DOCK5: variants seen among roughly 807,000 people sequenced by gnomAD.
The protein encoded by DOCK5 is dedicator of cytokinesis 5.
In DOCK5, 142 loss-of-function variants were observed where a neutral mutation model predicts 251.8. The ratio of observed to expected loss-of-function variants is 0.56; its 90% CI spans 0.49 to 0.65. The LOEUF is 0.65. Ranked by LOEUF, DOCK5 falls within the 30% of genes least tolerant of loss-of-function variation. The probability of loss-of-function intolerance (pLI) is 0.00; values close to 1 mark genes in which losing one functional copy is unlikely to be tolerated. For synonymous variants in DOCK5, 842 were observed against 835.5 expected (o/e 1.01, Z -0.13); for missense variants, 2,111 against 2,312.3 (o/e 0.91, Z 1.79).
intron 1 of DOCK5, among the ~76,000 whole-genome samples, chr8:25,222,146 C>G (rs1802407675): frequency 6.6e-6 from 1 of 152,216 alleles, no homozygotes; most frequent in South Asian, 2.1e-4. Context: ...CTGGTCCACT[C>G]TGCACTGTTA....
chr8:25,315,950 A>C (rs1586322499), intron 13 of DOCK5, among the ~76,000 whole-genome samples: 2 of 152,318 alleles, frequency 1.3e-5, no homozygotes, highest in East Asian at 3.9e-4. Context: ...TGGCAGTTTA[A>C]TATAGTGCAG....
rs1232064648 is a variant in DOCK5, at chr8:25,413,325, G to A, written c.*2027G>A. ...TGGAATGTGAGTGCAAGTTAGTTCT[G>A]CACATACAGCCCTTCTCCAAATGGT... On this transcript the variant is annotated 3_prime_UTR_variant, in exon 52 of 52. Coordinates refer to ENST00000276440, the MANE Select transcript of DOCK5 (RefSeq NM_024940.8). 1 of 152,122 alleles carries A rather than the reference G, an allele frequency of 6.6e-6. No homozygotes were observed. The highest frequency in any genetic ancestry group is 2.4e-5 in the African/African-American group (1 of 41,414). 9.4% of individuals were successfully genotyped at this position (152,122 alleles called of 1,614,324 possible).
intron 1 of DOCK5, among the ~76,000 whole-genome samples, chr8:25,205,215 A>C (rs751266953): frequency 6.6e-6 from 1 of 151,428 alleles, no homozygotes; most frequent in African/African-American, 2.4e-5. Flanking sequence ...TTATGTGGAG[A>C]GCGCTCTCCC....
chr8:25,376,135 A>G (rs1293040644), intron 37 of DOCK5: 4 of 982,524 alleles, frequency 4.1e-6, no homozygotes, highest in African/African-American at 3.5e-5. Flanking sequence ...CCTACTGTAT[A>G]TAGCTTAGAA....
Position 25,198,199 on chromosome 8 carries a change from T to A in DOCK5, c.43+13248T>A, listed in dbSNP as rs369244731. ...TGTATACCTGCAACAAGTTGCATCG[T>A]ATTTGATTTGTACTTTCTGTGAGCC... On this transcript the variant is annotated intron_variant, in intron 1 of 51. Coordinates refer to ENST00000276440, the MANE Select transcript of DOCK5 (RefSeq NM_024940.8). Among the ~76,000 whole-genome samples the A allele has an allele frequency of 2.0e-4, 30 of 152,344 alleles. No homozygotes were observed. In the South Asian group the frequency reaches 5.8e-3, roughly 29 times the overall value.
intron 45 of DOCK5, among the ~76,000 whole-genome samples, chr8:25,399,128 A>G (rs1217713515): frequency 1.3e-5 from 2 of 152,166 alleles, no homozygotes; most frequent in Non-Finnish European, 2.9e-5. Context: ...TGTCACTCCA[A>G]TTTTGGAGTC....
chr8:25,264,537 C>T (rs564630992), intron 2 of DOCK5, among the ~76,000 whole-genome samples: 1 of 151,736 alleles, frequency 6.6e-6, no homozygotes, highest in South Asian at 2.1e-4. Context: ...TTTTAAAAGC[C>T]TAAGGCAGCC....
In DOCK5 at chr8:25,411,284, C is replaced by T; in HGVS notation, c.5599C>T (p.Pro1867Ser). ...ARKSGIPTSE[P>S]GSQ ...GAAGTCTGGCATCCCTACTTCCGAG[C>T]CTGGATCCCAGTAAGGATCTTGCCC... The change falls in exon 52 of 52, where the codon CCT (proline) becomes TCT (serine). Residue 1867 changes from proline to serine, a missense_variant. Coordinates refer to ENST00000276440, the MANE Select transcript of DOCK5 (RefSeq NM_024940.8). 1 of 1,558,048 alleles carries T rather than the reference C, an allele frequency of 6.4e-7. No homozygotes were observed.
chr8:25,381,262 CT>C (rs1383563819), intron 39 of DOCK5, among the ~76,000 whole-genome samples: 4 of 152,220 alleles, frequency 2.6e-5, no homozygotes, highest in African/African-American at 9.6e-5. Flanking sequence ...GTCAAGATCA[CT>C]TTGTAAAAAG....
intron 27 of DOCK5, 136 bp downstream of exon 27, chr8:25,351,962 C>CCTG: frequency 1.6e-6 from 1 of 638,764 alleles, no homozygotes; most frequent in South Asian, 1.9e-5. Context: ...TGGTTATAAC[C>CCTG]TTAGCAGATC....
chr8:25,330,137 G>A (rs1805649953), intron 18 of DOCK5, among the ~76,000 whole-genome samples: 1 of 152,194 alleles, frequency 6.6e-6, no homozygotes, highest in Non-Finnish European at 1.5e-5. Context: ...GTGATGGAAT[G>A]AGTGATACCT....
chr8:25,409,849 A>T (rs1801588382), intron 50 of DOCK5: 1 of 329,678 alleles, frequency 3.0e-6, no homozygotes, highest in Non-Finnish European at 5.6e-6. Context: ...CCATCTCAAA[A>T]AAACAAAAAT....
intron 1 of DOCK5, among the ~76,000 whole-genome samples, chr8:25,201,810 G>T (rs938231861): frequency 5.3e-5 from 8 of 152,164 alleles, no homozygotes; most frequent in Non-Finnish European, 1.2e-4. Context: ...TTGCTCAGTC[G>T]CAGCCTCCCT....
Position 25,332,233 on chromosome 8 carries a change from T to G in DOCK5, c.1904-18T>G. 6.3e-7 allele frequency: 1 copy of G among 1,598,744 alleles called. No homozygotes were observed. Among genetic ancestry groups the G allele is most frequent in the Non-Finnish European group, 8.6e-7 (1 of 1,166,364 alleles). On this transcript the variant is annotated intron_variant, in intron 18 of 51. Coordinates refer to ENST00000276440, the MANE Select transcript of DOCK5 (RefSeq NM_024940.8). Reference sequence around the variant, plus strand: ...GTTGTTCTCACCTGTATCTAATGTTTGTGGTTGTTCTTCCTAGTTGACCTG... The same window carrying G: ...GTTGTTCTCACCTGTATCTAATGTTGGTGGTTGTTCTTCCTAGTTGACCTG...
At chr8:25,289,251 T>C (rs1454798992) in intron 5 of DOCK5, among the ~76,000 whole-genome samples, 1 of 152,116 alleles carries the variant, frequency 6.6e-6, no homozygotes, top group African/African-American at 2.4e-5. Context: ...CACTAGAGAA[T>C]ATTGTGTGCT....
chr8:25,275,463 T>G, intron 4 of DOCK5, 22 bp downstream of exon 4: 1 of 1,593,546 alleles, frequency 6.3e-7, no homozygotes. Context: ...GCTAGGAAGA[T>G]TCCCCAAAAA....
chr8:25,279,557 CTT>C (rs1804134862), intron 5 of DOCK5, among the ~76,000 whole-genome samples: 3 of 152,022 alleles, frequency 2.0e-5, no homozygotes, highest in South Asian at 4.2e-4. Flanking sequence ...AGCTCCGCCT[CTT>C]GGGTTCATGC....
Position 25,317,021 on chromosome 8 carries a change from G to C in DOCK5, c.1333G>C (p.Asp445His), listed in dbSNP as rs1805268409. The change falls in exon 14 of 52, where the codon GAC (aspartate) becomes CAC (histidine). Residue 445 changes from aspartate to histidine, a missense_variant. By Grantham distance (81) the Asp-to-His change is moderately conservative (BLOSUM62 -1). Transcript: ENST00000276440. ...TCATGTTGCAGGAGATGTTCGGAATGACATTTATGTCACCCTGATCCACGG... is the reference window on the plus strand; with the variant it reads ...TCATGTTGCAGGAGATGTTCGGAATCACATTTATGTCACCCTGATCCACGG... ...EIILPGDVRN[D>H]IYVTLIHGEF... 1 of 1,613,756 alleles carries C rather than the reference G, an allele frequency of 6.2e-7. No individual in the cohort carries two copies. The highest frequency in any genetic ancestry group is 1.3e-5 in the African/African-American group (1 of 74,900).
intron 18 of DOCK5, among the ~76,000 whole-genome samples, chr8:25,325,856 A>G (rs1016740237): frequency 1.3e-5 from 2 of 152,246 alleles, no homozygotes; most frequent in Non-Finnish European, 2.9e-5. Context: ...GTTCCCTGAT[A>G]GTGCATTCTG....
Sources: gnomAD v4.1 joint callset for allele counts (sites outside exome capture counted in the v4.1 genomes callset) on GRCh38, gnomAD v4.1.1 for gene constraint, MANE v1.5 for transcripts, NCBI Gene and HGNC (gene_info 2026-07-23, HGNC 2026-07-21) for gene names.